Variants in FBXL17 observed in about 807,000 individuals in gnomAD.
The protein encoded by FBXL17 is F-box and leucine rich repeat protein 17.
A neutral mutation model predicts 66.2 loss-of-function variants in FBXL17; 22 were observed. The ratio of observed to expected loss-of-function variants is 0.33; its 90% CI spans 0.24 to 0.47. The LOEUF (loss-of-function observed/expected upper bound fraction) is 0.47, where lower values mean the gene tolerates loss of function less well. Among genes scored for constraint, FBXL17 ranks in the 20% least tolerant of loss-of-function variants. FBXL17 has a pLI of 1.00. For missense variants in FBXL17, 878 were observed against 948.2 expected, an observed-to-expected ratio of 0.93 and a Z score of 0.97; for synonymous variants, 474 against 400.5, an observed-to-expected ratio of 1.18 and a Z score of -2.19.
chr5:107,962,119 C>G (rs1486489299), intron 7 of FBXL17, among the ~76,000 whole-genome samples: 1 of 152,094 alleles, frequency 6.6e-6, no homozygotes, highest in African/African-American at 2.4e-5. Flanking sequence ...TATACAATTT[C>G]TCTTTCAGAT....
chr5:108,104,032 T>C (rs1003720410), intron 6 of FBXL17, among the ~76,000 whole-genome samples: 1 of 152,066 alleles, frequency 6.6e-6, no homozygotes, highest in Non-Finnish European at 1.5e-5. Flanking sequence ...ACCAATTTTG[T>C]TGTTGTTGTT....
intron 6 of FBXL17, among the ~76,000 whole-genome samples, chr5:108,155,236 G>A (rs1751948034): frequency 6.6e-6 from 1 of 152,108 alleles, no homozygotes; most frequent in African/African-American, 2.4e-5. Flanking sequence ...CAAATTTTAG[G>A]CTGGGCGCGG....
intron 6 of FBXL17, among the ~76,000 whole-genome samples, chr5:108,089,351 A>G (rs1050526690): frequency 1.3e-4 from 20 of 152,034 alleles, no homozygotes; most frequent in African/African-American, 4.8e-4. Flanking sequence ...ATCCACACTA[A>G]TCTCTTCCTT....
intron 6 of FBXL17, among the ~76,000 whole-genome samples, chr5:108,140,097 G>A (rs772846540): frequency 6.6e-6 from 1 of 152,184 alleles, no homozygotes; most frequent in South Asian, 2.1e-4. Context: ...CCAGGCTGCA[G>A]TGCAGTAGAG....
chr5:107,972,272 T>C (rs1752401137), intron 7 of FBXL17, among the ~76,000 whole-genome samples: 2 of 152,244 alleles, frequency 1.3e-5, no homozygotes, highest in African/African-American at 2.4e-5. Context: ...GTTGAATTTA[T>C]CAAATAAAGT....
At chr5:108,185,000 C>T (rs1159772333) in intron 6 of FBXL17, among the ~76,000 whole-genome samples, 1 of 152,084 alleles carries the variant, frequency 6.6e-6, no homozygotes, top group Non-Finnish European at 1.5e-5. Flanking sequence ...AGTGCTAGCG[C>T]TACTCTGTTG....
At chr5:108,261,660 A>G (rs1038558843) in intron 4 of FBXL17, among the ~76,000 whole-genome samples, 9 of 151,822 alleles carry the variant, frequency 5.9e-5, no homozygotes, top group African/African-American at 2.2e-4. Context: ...ATTCAAATAA[A>G]AAACAAAATC....
At chr5:108,142,617 T>C (rs1027612582) in intron 6 of FBXL17, among the ~76,000 whole-genome samples, 14 of 152,236 alleles carry the variant, frequency 9.2e-5, no homozygotes, top group Admixed American at 7.9e-4. Flanking sequence ...GTAATACTTA[T>C]CATTGCATTT....
chr5:107,946,257 A>T (rs186266004), intron 7 of FBXL17, among the ~76,000 whole-genome samples: 3,278 of 10,716 alleles, frequency 0.31, 162 homozygotes, highest in South Asian at 0.39. Context: ...ATCTCATTTT[A>T]TATATATATA....
chr5:107,872,032 A>C (rs1748473982), intron 8 of FBXL17, among the ~76,000 whole-genome samples: 1 of 152,216 alleles, frequency 6.6e-6, no homozygotes, highest in Admixed American at 6.5e-5. Context: ...AATCTTTCTA[A>C]AATTGCCATT....
intron 7 of FBXL17, among the ~76,000 whole-genome samples, chr5:107,981,134 G>C (rs1391880204): frequency 6.6e-6 from 1 of 152,134 alleles, no homozygotes; most frequent in Non-Finnish European, 1.5e-5. Flanking sequence ...CAACGTCACA[G>C]AAACTGGGCT....
chr5:108,324,419 T>TAAAC (rs1461787821), intron 4 of FBXL17, among the ~76,000 whole-genome samples: 1 of 151,760 alleles, frequency 6.6e-6, no homozygotes, highest in African/African-American at 2.4e-5. Context: ...AATAAATAAA[T>TAAAC]AAACAAACAG....
At chr5:108,172,233 T>G (rs1179354420) in intron 6 of FBXL17, among the ~76,000 whole-genome samples, 1 of 152,190 alleles carries the variant, frequency 6.6e-6, no homozygotes, top group Non-Finnish European at 1.5e-5. Flanking sequence ...TATTCACATG[T>G]TGGTGGCAGT....
chr5:108,198,652 A>G (rs1753774064), intron 5 of FBXL17, among the ~76,000 whole-genome samples: 1 of 152,200 alleles, frequency 6.6e-6, no homozygotes, highest in African/African-American at 2.4e-5. Flanking sequence ...ACTGAATCAG[A>G]TCACATTTGT....
At chr5:108,328,066 AAAAC>A (rs1477707931) in intron 4 of FBXL17, among the ~76,000 whole-genome samples, 1 of 152,176 alleles carries the variant, frequency 6.6e-6, no homozygotes, top group East Asian at 1.9e-4. Flanking sequence ...GTCTGACACA[AAAAC>A]TATCTTCCCA....
In FBXL17 at chr5:108,276,485, T is replaced by C. The variant is rs117993902; in HGVS notation, c.1507-52257A>G. On this transcript the variant is annotated intron_variant, in intron 4 of 8. Transcript: ENST00000542267. ...TTTAGCAATGACAACCTTAGAATAA[T>C]ATATTGTAAGTCTTTATGGATCAAT... Among the ~76,000 whole-genome samples, 81 of 152,068 alleles carry C rather than the reference T, an allele frequency of 5.3e-4. No individual in the cohort carries two copies. In the East Asian group the frequency reaches 0.015, roughly 28 times the overall value.
intron 4 of FBXL17, among the ~76,000 whole-genome samples, chr5:108,327,392 C>G (rs1416463349): frequency 6.6e-6 from 1 of 152,234 alleles, no homozygotes; most frequent in South Asian, 2.1e-4. Context: ...AGCAAACTGA[C>G]TTGAGTTTTC....
At chr5:108,341,180 A>G (rs1052825562) in intron 4 of FBXL17, among the ~76,000 whole-genome samples, 2 of 152,164 alleles carry the variant, frequency 1.3e-5, no homozygotes, top group Non-Finnish European at 2.9e-5. Flanking sequence ...AGAATGAATT[A>G]TACCCATTAT....
At position 108,124,339 on chromosome 5, in the gene FBXL17, A is replaced by C. The variant is rs566442291; in HGVS notation, c.1745+61778T>G. On this transcript the variant is annotated intron_variant, in intron 6 of 8. Coordinates refer to ENST00000542267, the MANE Select transcript of FBXL17 (RefSeq NM_001163315.3). Reference sequence around the variant, plus strand: ...AGGAAAACTTATTTTAATTCCATTCATGCAAATTTCTAGGTCTTTGACCTT... The same window carrying C: ...AGGAAAACTTATTTTAATTCCATTCCTGCAAATTTCTAGGTCTTTGACCTT... Among the ~76,000 whole-genome samples the C allele has an allele frequency of 3.4e-4, 51 of 152,216 alleles. 1 individual carries two copies. In the South Asian group the frequency reaches 9.9e-3, roughly 30 times the overall value.
Sources: allele counts gnomAD v4.1 joint callset (sites outside exome capture counted in the v4.1 genomes callset), GRCh38; gene constraint gnomAD v4.1.1; transcripts MANE v1.5; gene names NCBI Gene and HGNC (gene_info 2026-07-23, HGNC 2026-07-21).